Variants in CNTNAP2 observed in about 807,000 individuals in gnomAD.
CNTNAP2 encodes contactin associated protein 2, also known as contactin-associated protein-like 2.
CNTNAP2 carries 98 observed loss-of-function variants against 155.2 expected under a neutral mutation model. That is an observed-to-expected ratio of 0.63 (90% confidence interval 0.54 to 0.75). The LOEUF (loss-of-function observed/expected upper bound fraction) is 0.75, where lower values mean the gene tolerates loss of function less well. Ranked by LOEUF, CNTNAP2 falls within the 30% of genes least tolerant of loss-of-function variation. The pLI, the probability that CNTNAP2 is intolerant of heterozygous loss-of-function variation, is 0.00. For missense variants in CNTNAP2, 1,727 were observed against 1,688.1 expected, an observed-to-expected ratio of 1.02 and a Z score of -0.40; for synonymous variants, 651 against 631.2, an observed-to-expected ratio of 1.03 and a Z score of -0.47.
rs183984577 is a variant in CNTNAP2, at chr7:147,230,019, C to T, written c.1349-70122C>T. 2.7e-3 allele frequency among the ~76,000 whole-genome samples: 410 copies of T among 152,142 alleles called. 1 individual carries two copies. Among genetic ancestry groups the T allele is most frequent in the African/African-American group, 9.3e-3 (384 of 41,504 alleles). ...CAATCTTTAAGCAAAAATATAGTTA[C>T]TAAAATGTTGTTTACAAATTATTTT... On this transcript the variant is annotated intron_variant, in intron 8 of 23. Transcript: ENST00000361727.
At chr7:146,572,978 A>G (rs1798465739) in intron 1 of CNTNAP2, among the ~76,000 whole-genome samples, 1 of 151,732 alleles carries the variant, frequency 6.6e-6, no homozygotes, top group African/African-American at 2.4e-5. Flanking sequence ...GATAAGCTGG[A>G]AAAAGATGAA....
chr7:146,868,857 A>G (rs751738033), intron 3 of CNTNAP2, among the ~76,000 whole-genome samples: 3 of 149,956 alleles, frequency 2.0e-5, no homozygotes, highest in African/African-American at 7.6e-5. Context: ...ATTTTTGTGC[A>G]TTGATTATGT....
intron 11 of CNTNAP2, among the ~76,000 whole-genome samples, chr7:147,552,367 G>A (rs1468322696): frequency 6.6e-6 from 1 of 151,980 alleles, no homozygotes; most frequent in African/African-American, 2.4e-5. Context: ...ATAAATTACA[G>A]TAAAACATTT....
At chr7:146,697,883 A>G (rs917169747) in intron 1 of CNTNAP2, among the ~76,000 whole-genome samples, 2 of 152,122 alleles carry the variant, frequency 1.3e-5, no homozygotes, top group African/African-American at 4.8e-5. Context: ...TGTTTTACAT[A>G]CTTTCCTGCC....
chr7:148,326,476 C>T (rs970025912), intron 21 of CNTNAP2, among the ~76,000 whole-genome samples: 2 of 152,194 alleles, frequency 1.3e-5, no homozygotes, highest in African/African-American at 4.8e-5. Context: ...TCACTCCTCA[C>T]TCCCATGATT....
intron 3 of CNTNAP2, among the ~76,000 whole-genome samples, chr7:147,030,926 A>C (rs1478955575): frequency 6.6e-6 from 1 of 152,120 alleles, no homozygotes; most frequent in Non-Finnish European, 1.5e-5. Context: ...CTATTGGTTA[A>C]TTTTATTACA....
intron 15 of CNTNAP2, among the ~76,000 whole-genome samples, chr7:147,988,130 A>C (rs917334785): frequency 6.6e-6 from 1 of 152,178 alleles, no homozygotes; most frequent in Non-Finnish European, 1.5e-5. Context: ...GGTGAATTTA[A>C]ATATTTTGTG....
intron 3 of CNTNAP2, among the ~76,000 whole-genome samples, chr7:146,930,568 G>A (rs1416770666): frequency 6.6e-6 from 1 of 152,042 alleles, no homozygotes; most frequent in Non-Finnish European, 1.5e-5. Flanking sequence ...ATGACAGGAT[G>A]AAATTCACGC....
At chr7:148,056,115 G>T (rs950005765) in intron 15 of CNTNAP2, among the ~76,000 whole-genome samples, 1 of 152,204 alleles carries the variant, frequency 6.6e-6, no homozygotes, top group African/African-American at 2.4e-5. Flanking sequence ...AGTGGGCTCT[G>T]TTCCCTCGCA....
Position 146,690,871 on chromosome 7 carries a change from G to T in CNTNAP2, c.98-83400G>T, listed in dbSNP as rs183645030. 5.3e-5 allele frequency among the ~76,000 whole-genome samples: 8 copies of T among 152,154 alleles called. No individual in the cohort carries two copies. The East Asian group carries it at 1.5e-3, about 29-fold the overall frequency. On this transcript the variant is annotated intron_variant, in intron 1 of 23. Transcript: ENST00000361727. ...ATTTGTGAAGCAACTGTTTCATTTT[G>T]TCAGTCCTCTGGGCTAAAAATATAT...
chr7:146,780,280 G>T (rs569737600), intron 2 of CNTNAP2, among the ~76,000 whole-genome samples: 3 of 152,092 alleles, frequency 2.0e-5, no homozygotes, highest in South Asian at 2.1e-4. Flanking sequence ...CTGCCTCCGA[G>T]GTTCATGCCA....
intron 1 of CNTNAP2, among the ~76,000 whole-genome samples, chr7:146,616,025 C>G (rs144906640): frequency 6.6e-6 from 1 of 152,142 alleles, no homozygotes; most frequent in African/African-American, 2.4e-5. Flanking sequence ...TTTAGTATGA[C>G]AATGGTAATC....
At chr7:147,305,102 G>T (rs1405207806) in intron 9 of CNTNAP2, among the ~76,000 whole-genome samples, 2 of 152,104 alleles carry the variant, frequency 1.3e-5, no homozygotes, top group East Asian at 3.9e-4. Flanking sequence ...CACCCACAGG[G>T]GCTCGGGGTT....
At chr7:147,530,792 T>C (rs1328573309) in intron 11 of CNTNAP2, among the ~76,000 whole-genome samples, 1 of 152,122 alleles carries the variant, frequency 6.6e-6, no homozygotes, top group East Asian at 1.9e-4. Context: ...CCCAAAGTCT[T>C]AACTCATTTC....
chr7:146,207,502 T>G (rs764480669), intron 1 of CNTNAP2, among the ~76,000 whole-genome samples: 24 of 152,016 alleles, frequency 1.6e-4, no homozygotes, highest in Non-Finnish European at 3.1e-4. Context: ...ACATACTACA[T>G]TCCTACTAGA....
At chr7:147,240,944 T>C (rs1461058134) in intron 8 of CNTNAP2, among the ~76,000 whole-genome samples, 4 of 152,220 alleles carry the variant, frequency 2.6e-5, no homozygotes, top group African/African-American at 9.7e-5. Flanking sequence ...GTGGGACACT[T>C]TTATTTCAGT....
intron 15 of CNTNAP2, among the ~76,000 whole-genome samples, chr7:148,076,732 C>T (rs182389071): frequency 9.0e-4 from 137 of 151,942 alleles, no homozygotes; most frequent in Non-Finnish European, 4.4e-4. Flanking sequence ...TGTGAGCCAC[C>T]GTGCCCGGCC....
At chr7:146,866,200 G>T (rs1010230252) in intron 3 of CNTNAP2, among the ~76,000 whole-genome samples, 24 of 152,130 alleles carry the variant, frequency 1.6e-4, no homozygotes, top group Admixed American at 7.9e-4. Flanking sequence ...TGTATCTAAA[G>T]TACATATACA....
rs562220545 is a variant in CNTNAP2 at position 148,230,320 on chromosome 7, A to G, written c.3381+541A>G. 5.4e-4 allele frequency among the ~76,000 whole-genome samples: 82 copies of G among 152,244 alleles called. 2 individuals are homozygous for G. Among genetic ancestry groups the G allele is most frequent in the Admixed American group, 1.2e-3 (18 of 15,296 alleles). On this transcript the variant is annotated intron_variant, in intron 20 of 23. Coordinates refer to ENST00000361727, the MANE Select transcript of CNTNAP2 (RefSeq NM_014141.6). ...AGGGATGGTTTTATTATGACACTCAAATTTTACTTCAGGTTCATTGACGAC... is the reference window on the plus strand; with the variant it reads ...AGGGATGGTTTTATTATGACACTCAGATTTTACTTCAGGTTCATTGACGAC...
Sources: gnomAD v4.1 joint callset for allele counts (sites outside exome capture counted in the v4.1 genomes callset) on GRCh38, gnomAD v4.1.1 for gene constraint, MANE v1.5 for transcripts, NCBI Gene and HGNC (gene_info 2026-07-23, HGNC 2026-07-21) for gene names.